ZNF280C: variants seen among roughly 807,000 people sequenced by gnomAD.
ZNF280C encodes the protein zinc finger protein 280C.
ZNF280C carries 14 observed loss-of-function variants against 53.6 expected under a neutral mutation model. The observed-to-expected ratio is 0.26, with a 90% CI of 0.17 to 0.41. ZNF280C has a LOEUF of 0.41. Ranked by LOEUF, ZNF280C falls within the 10% of genes least tolerant of loss-of-function variation. The pLI is 1.00. For synonymous variants in ZNF280C, 203 were observed against 181.1 expected (o/e 1.12, Z -0.97); for missense variants, 416 against 547.1 (o/e 0.76, Z 2.39).
At chrX:130,264,182 GGA>G (rs1320357429) in intron 1 of ZNF280C, among the ~76,000 whole-genome samples, 3 of 111,191 alleles carry the variant, frequency 2.7e-5, no homozygotes, top group Non-Finnish European at 5.7e-5. Flanking sequence ...GTAGAGAAAG[GGA>G]GAGTAGGTAA....
rs564820557 is a variant in ZNF280C, at chrX:130,209,330, T to C, written c.2042+323A>G. ...TTTTTTCTGTACAGTAAACAACTTA[T>C]ATACTTTAATTCTAAAAACATTAAC... On this transcript the variant is annotated intron_variant, in intron 16 of 18. Transcript: ENST00000370978. Among the ~76,000 whole-genome samples the C allele has an allele frequency of 3.6e-3, 403 of 112,733 alleles. 3 individuals are homozygous for C. Among genetic ancestry groups the C allele is most frequent in the African/African-American group, 0.012 (383 of 31,111 alleles).
At chrX:130,226,464 G>GT (rs1234059367) in intron 12 of ZNF280C, among the ~76,000 whole-genome samples, 2 of 111,375 alleles carry the variant, frequency 1.8e-5, no homozygotes, top group Admixed American at 9.6e-5. Flanking sequence ...TGAATCTTCT[G>GT]TTTTTTCCTC....
intron 16 of ZNF280C, 131 bp from the exon 17 acceptor site, chrX:130,205,546 G>C: frequency 2.2e-6 from 1 of 447,043 alleles, no homozygotes; most frequent in Non-Finnish European, 3.7e-6. Flanking sequence ...TTCCAATTTT[G>C]TTATATAAAC....
chrX:130,236,512 A>C lies in ZNF280C; in HGVS notation c.621T>G (p.Ile207Met), dbSNP rs142080891. The change falls in exon 7 of 19, where the codon ATT (isoleucine) becomes ATG (methionine). Residue 207 changes from isoleucine to methionine, a missense_variant. By Grantham distance (10) the Ile-to-Met change is conservative. Coordinates refer to ENST00000370978, the MANE Select transcript of ZNF280C (RefSeq NM_017666.5). The stretch of plus-strand genomic sequence containing the variant: ...GGGAGGATGTCACTGGAGGAGAGCC[A>C]ATTAAAGGCAATGAAGTGGAGGGAT... ...QINPSTSLPL[I>M]GSPPVTSSQV... 227 of 1,205,847 alleles carry C rather than the reference A, an allele frequency of 1.9e-4. No individual in the cohort carries two copies. In the African/African-American group the frequency reaches 3.5e-3, roughly 19 times the overall value.
intron 2 of ZNF280C, among the ~76,000 whole-genome samples, chrX:130,249,202 A>G (rs1323357469): frequency 9.0e-6 from 1 of 111,717 alleles, no homozygotes; most frequent in Admixed American, 9.5e-5. Flanking sequence ...CACCACCAGC[A>G]TGACCATACA....
chrX:130,220,176 C>T (rs148802949), intron 13 of ZNF280C, among the ~76,000 whole-genome samples, 173 bp downstream of exon 13: 6,398 of 110,440 alleles, frequency 0.058, 206 homozygotes, highest in Middle Eastern at 0.11. Flanking sequence ...TAGGGACATT[C>T]CAATTCCACT....
intron 2 of ZNF280C, among the ~76,000 whole-genome samples, chrX:130,247,588 T>C (rs1206971253): frequency 6.3e-5 from 7 of 111,725 alleles, no homozygotes; most frequent in African/African-American, 2.0e-4. Context: ...GCTAGACAGA[T>C]AGATAATGAA....
At chrX:130,209,858 A>G in intron 15 of ZNF280C, 143 bp from the exon 16 acceptor site, 1 of 534,965 alleles carries the variant, frequency 1.9e-6, no homozygotes, top group Non-Finnish European at 3.1e-6. Context: ...TCTGTTGGTT[A>G]AAGCTATAAT....
chrX:130,255,634 G>A (rs914963236), intron 2 of ZNF280C, among the ~76,000 whole-genome samples: 6 of 111,875 alleles, frequency 5.4e-5, no homozygotes, highest in African/African-American at 1.6e-4. Flanking sequence ...CTACACTAGC[G>A]GGACATATGA....
Position 130,228,984 on chromosome X carries a change from C to T in ZNF280C, c.1140G>A (p.Glu380=), listed in dbSNP as rs374935601. The change falls in exon 10 of 19, where the codon GAG becomes GAA. Residue 380 remains glutamate, a synonymous_variant. Coordinates refer to ENST00000370978, the MANE Select transcript of ZNF280C (RefSeq NM_017666.5). ...AAAGAAACTTTCACTTACTAGAAAA[C>T]TCATGGGGAGTGTGTGTACTCTCAA... ...CHIESTHTPH[E]FSTICKICEL... 104 of 1,184,072 alleles carry T rather than the reference C, an allele frequency of 8.8e-5. No individual in the cohort carries two copies. The highest frequency in any genetic ancestry group is 1.2e-4 in the Non-Finnish European group (103 of 881,038).
intron 10 of ZNF280C, among the ~76,000 whole-genome samples, chrX:130,228,410 A>C (rs2032242354): frequency 9.2e-6 from 1 of 108,714 alleles, no homozygotes; most frequent in Admixed American, 9.9e-5. Context: ...CAGTCTCCCA[A>C]GTAGCTGGGA....
intron 2 of ZNF280C, among the ~76,000 whole-genome samples, chrX:130,249,038 C>A (rs1034386947): frequency 8.9e-6 from 1 of 111,759 alleles, no homozygotes; most frequent in Non-Finnish European, 1.9e-5. Flanking sequence ...CCACCAGCAC[C>A]CTGCCCCTGA....
chrX:130,231,859 T>C (rs1407811421), intron 8 of ZNF280C, among the ~76,000 whole-genome samples: 2 of 109,956 alleles, frequency 1.8e-5, no homozygotes, highest in Admixed American at 1.9e-4. Flanking sequence ...ACCCCGTCTC[T>C]ATTAAAAATA....
chrX:130,228,602 A>G (rs2032245258), intron 10 of ZNF280C, among the ~76,000 whole-genome samples: 1 of 94,757 alleles, frequency 1.1e-5, no homozygotes, highest in African/African-American at 3.9e-5. Flanking sequence ...CAATTTTAAC[A>G]GTTTTTTTCT....
Position 130,215,344 on chromosome X carries a change from C to CG in ZNF280C, c.1839-12dup. The CG allele has an allele frequency of 8.9e-7, 1 of 1,128,393 alleles. No homozygotes were observed. Among genetic ancestry groups the CG allele is most frequent in the Non-Finnish European group, 1.2e-6 (1 of 855,082 alleles). 93.0% of individuals were successfully genotyped at this position (1,128,393 alleles called of 1,213,427 possible). A position where few individuals can be genotyped will look rare whatever the true frequency, so the allele number is the denominator to read the frequency against. On this transcript the variant is annotated splice_polypyrimidine_tract_variant and intron_variant, in intron 14 of 18. Coordinates refer to ENST00000370978, the MANE Select transcript of ZNF280C (RefSeq NM_017666.5). ...ATTCCCCGACGACACCTTATGGAGA[C>CG]GGAAAAAAAAGATAAAAAGAGATTA... is the stretch of plus-strand genomic sequence containing the variant.
At chrX:130,257,534 C>T (rs774768522) in intron 2 of ZNF280C, among the ~76,000 whole-genome samples, 23 of 111,294 alleles carry the variant, frequency 2.1e-4, no homozygotes, top group Admixed American at 1.6e-3. Context: ...ATTCAAGAGA[C>T]AACATATGTA....
intron 12 of ZNF280C, among the ~76,000 whole-genome samples, chrX:130,223,861 A>G (rs1288480086): frequency 1.8e-5 from 2 of 112,310 alleles, no homozygotes; most frequent in Non-Finnish European, 3.8e-5. Flanking sequence ...AAATTGCACT[A>G]ATGCCATCTA....
At chrX:130,242,002 G>GGGC (rs1368109869) in intron 5 of ZNF280C, among the ~76,000 whole-genome samples, 2 of 95,417 alleles carry the variant, frequency 2.1e-5, no homozygotes, top group Admixed American at 1.1e-4. Context: ...TGGGAAGCCG[G>GGGC]GGGGGGGCGG....
intron 1 of ZNF280C, among the ~76,000 whole-genome samples, chrX:130,261,479 T>C (rs1024443555): frequency 8.9e-6 from 1 of 112,401 alleles, no homozygotes; most frequent in Non-Finnish European, 1.9e-5. Context: ...TCCAAATTAT[T>C]TGGACGGAAT....
Sources: gnomAD v4.1 joint callset for allele counts (sites outside exome capture counted in the v4.1 genomes callset) on GRCh38, gnomAD v4.1.1 for gene constraint, MANE v1.5 for transcripts, NCBI Gene and HGNC (gene_info 2026-07-23, HGNC 2026-07-21) for gene names.